ADGRL3: variants seen among roughly 807,000 people sequenced by gnomAD.
The protein encoded by ADGRL3 is adhesion G protein-coupled receptor L3, also known as calcium-independent alpha-latrotoxin receptor 3.
In ADGRL3, 62 loss-of-function variants were observed where a neutral mutation model predicts 153.5. The ratio of observed to expected loss-of-function variants is 0.40; its 90% confidence interval spans 0.33 to 0.50. The LOEUF is 0.50. Ranked by LOEUF, ADGRL3 falls within the 20% of genes least tolerant of loss-of-function variation. The pLI is 0.47. For missense variants in ADGRL3, 1,641 were observed against 1,859.4 expected, an observed-to-expected ratio of 0.88 and a Z score of 2.16; for synonymous variants, 710 against 672.5, an observed-to-expected ratio of 1.06 and a Z score of -0.86.
chr4:61,890,143 A>G (rs1420078189), intron 9 of ADGRL3, among the ~76,000 whole-genome samples: 1 of 152,170 alleles, frequency 6.6e-6, no homozygotes, highest in Non-Finnish European at 1.5e-5. Context: ...TAAAGAAGAC[A>G]AAGAAGAAAT....
At chr4:61,231,656 G>T (rs1009536078) in intron 1 of ADGRL3, among the ~76,000 whole-genome samples, 5 of 151,928 alleles carry the variant, frequency 3.3e-5, no homozygotes, top group Non-Finnish European at 5.9e-5. Context: ...TTCCCTTGCT[G>T]CAGTGCTTCT....
chr4:61,762,093 A>C (rs898934326), intron 8 of ADGRL3, among the ~76,000 whole-genome samples: 5 of 152,234 alleles, frequency 3.3e-5, no homozygotes, highest in African/African-American at 1.2e-4. Context: ...GAGTAAAACA[A>C]TAATTGTCTG....
intron 9 of ADGRL3, among the ~76,000 whole-genome samples, chr4:61,841,832 G>A (rs1184462508): frequency 2.6e-5 from 4 of 152,210 alleles, no homozygotes; most frequent in Non-Finnish European, 4.4e-5. Flanking sequence ...ACTCTTGTGT[G>A]TGCACACATT....
chr4:61,486,044 C>G (rs992128947), intron 2 of ADGRL3, among the ~76,000 whole-genome samples: 1 of 151,846 alleles, frequency 6.6e-6, no homozygotes. Context: ...CCCAGGTTCA[C>G]GCCATTCTCC....
intron 9 of ADGRL3, among the ~76,000 whole-genome samples, chr4:61,890,023 A>G (rs1389241373): frequency 1.3e-5 from 2 of 152,350 alleles, no homozygotes; most frequent in South Asian, 2.1e-4. Context: ...CTATTTTACA[A>G]TTAATTCTTA....
intron 9 of ADGRL3, among the ~76,000 whole-genome samples, chr4:61,822,702 A>G (rs1581004202): frequency 6.6e-6 from 1 of 152,142 alleles, no homozygotes; most frequent in East Asian, 1.9e-4. Flanking sequence ...GAGAATAATT[A>G]TCCCAGAGAG....
chr4:61,275,676 T>G (rs1460400745), intron 1 of ADGRL3, among the ~76,000 whole-genome samples: 4 of 152,158 alleles, frequency 2.6e-5, no homozygotes, highest in African/African-American at 9.7e-5. Flanking sequence ...CCACTTGCTA[T>G]TACTTCTTCT....
intron 3 of ADGRL3, among the ~76,000 whole-genome samples, chr4:61,501,009 T>C (rs2098381362): frequency 6.6e-6 from 1 of 152,126 alleles, no homozygotes; most frequent in Admixed American, 6.6e-5. Context: ...TCCTAGTCAC[T>C]TGGGAGCAGG....
In ADGRL3 at chr4:61,518,620, G is replaced by A. The variant is rs191011273; in HGVS notation, c.259+1102G>A. On this transcript the variant is annotated intron_variant, in intron 4 of 26. Coordinates refer to ENST00000683033, the MANE Select transcript of ADGRL3 (RefSeq NM_001387552.1). ...GCCACGAGGCAGAGTAAGAGCATGT[G>A]TAACTTTGCATTCACCGTAGCTCTG... Among the ~76,000 whole-genome samples, 619 of 152,310 alleles carry A rather than the reference G, an allele frequency of 4.1e-3. 3 individuals carry two copies. The highest frequency in any genetic ancestry group is 5.6e-3 in the Non-Finnish European group (383 of 68,026).
intron 4 of ADGRL3, among the ~76,000 whole-genome samples, chr4:61,540,042 A>C (rs1209724102): frequency 1.3e-5 from 2 of 152,178 alleles, no homozygotes; most frequent in East Asian, 3.9e-4. Flanking sequence ...TTGAGAAAAA[A>C]ATAATGCCAG....
chr4:61,353,804 G>T (rs1299956513), intron 1 of ADGRL3, among the ~76,000 whole-genome samples: 1 of 45,494 alleles, frequency 2.2e-5, no homozygotes, highest in South Asian at 8.5e-4. Flanking sequence ...AACCAAACAG[G>T]GAAAAATTTT....
chr4:62,039,296 T>C (rs1359102672), intron 24 of ADGRL3, among the ~76,000 whole-genome samples: 1 of 152,180 alleles, frequency 6.6e-6, no homozygotes, highest in Admixed American at 6.5e-5. Context: ...CACACCTAGC[T>C]AGCACTTGAA....
chr4:61,806,975 A>G (rs2097559442), intron 8 of ADGRL3, among the ~76,000 whole-genome samples: 1 of 152,036 alleles, frequency 6.6e-6, no homozygotes, highest in East Asian at 1.9e-4. Context: ...TCAGATATCA[A>G]TATTATTTTT....
intron 1 of ADGRL3, among the ~76,000 whole-genome samples, chr4:61,316,172 TA>T (rs1242300162): frequency 1.3e-5 from 2 of 152,098 alleles, no homozygotes; most frequent in South Asian, 2.1e-4. Flanking sequence ...TAGGCTCTGT[TA>T]AAAAAATTAG....
intron 23 of ADGRL3, among the ~76,000 whole-genome samples, chr4:62,034,239 GT>G (rs1226275833): frequency 1.3e-5 from 2 of 151,840 alleles, no homozygotes; most frequent in East Asian, 1.9e-4. Flanking sequence ...GTCAGGAATG[GT>G]TACTACATTT....
intron 2 of ADGRL3, among the ~76,000 whole-genome samples, chr4:61,398,823 T>C (rs2096897114): frequency 6.6e-6 from 1 of 151,730 alleles, no homozygotes; most frequent in Non-Finnish European, 1.5e-5. Context: ...TAAGAACATG[T>C]AAATAAAGGA....
At chr4:61,478,810 C>G (rs965618825) in intron 2 of ADGRL3, among the ~76,000 whole-genome samples, 1 of 151,972 alleles carries the variant, frequency 6.6e-6, no homozygotes, top group African/African-American at 2.4e-5. Context: ...AGGTACATGT[C>G]TGTGTGCACA....
At chr4:61,827,031 T>G (rs550702528) in intron 9 of ADGRL3, among the ~76,000 whole-genome samples, 1 of 152,288 alleles carries the variant, frequency 6.6e-6, no homozygotes, top group Middle Eastern at 3.4e-3. Flanking sequence ...CAAAATGGGT[T>G]CACTTTTCTG....
chr4:61,905,905 A>G (rs1485930543), intron 11 of ADGRL3, among the ~76,000 whole-genome samples: 1 of 151,760 alleles, frequency 6.6e-6, no homozygotes, highest in Non-Finnish European at 1.5e-5. Flanking sequence ...AAAAAAAAAA[A>G]GAAAAAAAAA....
Sources: gnomAD v4.1 joint callset for allele counts (sites outside exome capture counted in the v4.1 genomes callset) on GRCh38, gnomAD v4.1.1 for gene constraint, MANE v1.5 for transcripts, NCBI Gene and HGNC (gene_info 2026-07-23, HGNC 2026-07-21) for gene names.